AOPEP: variants seen among roughly 807,000 people sequenced by gnomAD.
AOPEP encodes aminopeptidase O (putative), also known as aminopeptidase O.
Under a neutral mutation model 98.1 loss-of-function variants are expected in AOPEP, and 77 were observed. The ratio of observed to expected loss-of-function variants is 0.78; its 90% CI spans 0.65 to 0.95. The LOEUF (loss-of-function observed/expected upper bound fraction) is 0.95. Among genes scored for constraint, AOPEP ranks in the 40% least tolerant of loss-of-function variants. The probability of loss-of-function intolerance (pLI) is 0.00; values close to 1 mark genes in which losing one functional copy is unlikely to be tolerated. For synonymous variants in AOPEP, 346 were observed against 365.3 expected (o/e 0.95, Z 0.60); for missense variants, 1,024 against 1,024.7 (o/e 1.00, Z 0.01).
chr9:94,922,235 G>A (rs1564384522), intron 5 of AOPEP, among the ~76,000 whole-genome samples: 2 of 152,308 alleles, frequency 1.3e-5, no homozygotes, highest in Non-Finnish European at 1.5e-5. Flanking sequence ...GCAGGTCCCC[G>A]GACAGTGGAG....
At position 95,071,516 on chromosome 9, in the gene AOPEP, A is replaced by G. The variant is rs371211131; in HGVS notation, c.2233-9178A>G. Among the ~76,000 whole-genome samples, 47 of 152,286 alleles carry G rather than the reference A, an allele frequency of 3.1e-4. No homozygotes were observed. In the South Asian group the frequency reaches 5.0e-3, roughly 16 times the overall value. On this transcript the variant is annotated intron_variant, in intron 14 of 16. Coordinates refer to ENST00000375315, the MANE Select transcript of AOPEP (RefSeq NM_001193329.3). ...AAATAAAGCAAGGAAAGCAGCTACC[A>G]AAAGGAGCCATACGTGCTTTTCTAA...
chr9:94,900,895 G>A (rs2050303682), intron 5 of AOPEP: 1 of 152,210 alleles, frequency 6.6e-6, no homozygotes. Flanking sequence ...TGACTCACAA[G>A]TAAGTTGAAT....
intron 1 of AOPEP, among the ~76,000 whole-genome samples, chr9:94,739,072 A>C (rs1173907045): frequency 1.3e-5 from 2 of 152,170 alleles, no homozygotes; most frequent in South Asian, 4.1e-4. Context: ...CTACGTCTCA[A>C]GTCCATGTCA....
At chr9:95,077,667 G>A (rs977233062) in intron 14 of AOPEP, among the ~76,000 whole-genome samples, 2 of 152,110 alleles carry the variant, frequency 1.3e-5, no homozygotes, top group Admixed American at 1.3e-4. Context: ...TCTCAGCTGC[G>A]GAGGAACTTG....
Position 94,813,423 on chromosome 9 carries a change from A to G in AOPEP, c.1364+12421A>G, listed in dbSNP as rs181107411. Among the ~76,000 whole-genome samples, 85 of 152,332 alleles carry G rather than the reference A, an allele frequency of 5.6e-4. 1 individual carries two copies. The East Asian group carries it at 0.014, about 24-fold the overall frequency. On this transcript the variant is annotated intron_variant, in intron 5 of 16. Transcript: ENST00000375315. ...ACTTTATAGCTTTCGGGGTGTCCTC[A>G]GATATGTCTCCTCTCACAAACAAGC...
At chr9:95,141,138 A>C in the AOPEP span, among the ~76,000 whole-genome samples, 1 of 151,674 alleles carries the variant, frequency 6.6e-6, no homozygotes, top group Non-Finnish European at 1.5e-5. Context: ...GGCAAAACCC[A>C]GTCTCTACCA....
At chr9:95,074,727 C>CT (rs1159550661) in intron 14 of AOPEP, among the ~76,000 whole-genome samples, 1 of 152,226 alleles carries the variant, frequency 6.6e-6, no homozygotes, top group East Asian at 1.9e-4. Context: ...CCAGATGCCA[C>CT]TTCTTCTTGC....
In AOPEP at chr9:94,759,875, A is replaced by G. The variant is rs758534673; in HGVS notation, c.92A>G (p.Asp31Gly). 3.7e-6 allele frequency: 6 copies of G among 1,614,114 alleles called. No individual in the cohort carries two copies. The highest frequency in any genetic ancestry group is 5.1e-6 in the Non-Finnish European group (6 of 1,180,026). The change falls in exon 2 of 17, where the codon GAT becomes GGT. Residue 31 changes from aspartate (D) to glycine (G), a missense_variant. Physicochemically the swap from Asp to Gly is moderately conservative, Grantham distance 94 (BLOSUM62 -1). This residue lies in a region of AOPEP where 440 missense variants were observed against 433.8 expected (regional missense o/e 1.01). Transcript: ENST00000375315. ...ILVKHYVLDL[D>G]VDFESQVIEG... ...GTGAAGCACTATGTACTGGATTTGG[A>G]TGTGGATTTTGAAAGTCAAGTCATT... is the stretch of plus-strand genomic sequence containing the variant.
At chr9:94,782,731 A>G (rs2133197132) in intron 3 of AOPEP, among the ~76,000 whole-genome samples, 1 of 152,390 alleles carries the variant, frequency 6.6e-6, no homozygotes, top group South Asian at 2.1e-4. Flanking sequence ...ATTCCACGCC[A>G]GTACACATAC....
At chr9:95,005,407 G>T in intron 12 of AOPEP, 135 bp from the exon 13 acceptor site, 1 of 956,254 alleles carries the variant, frequency 1.0e-6, no homozygotes, top group East Asian at 2.5e-5. Flanking sequence ...CGAGTTCCGC[G>T]GGCGGGCGCG....
At chr9:94,776,850 A>C (rs920182083) in intron 3 of AOPEP, among the ~76,000 whole-genome samples, 2 of 150,812 alleles carry the variant, frequency 1.3e-5, no homozygotes, top group Non-Finnish European at 2.9e-5. Flanking sequence ...GTTTCAAATG[A>C]TTTCATAATA....
chr9:95,049,854 C>A (rs2066186673), intron 13 of AOPEP, among the ~76,000 whole-genome samples: 1 of 152,184 alleles, frequency 6.6e-6, no homozygotes. Flanking sequence ...TTGTGAGTAT[C>A]CATTTTGCAT....
At chr9:94,916,705 AAAAAT>A (rs1369293893) in intron 5 of AOPEP, among the ~76,000 whole-genome samples, 4 of 147,916 alleles carry the variant, frequency 2.7e-5, no homozygotes, top group African/African-American at 1.0e-4. Flanking sequence ...AAAAAAAAAA[AAAAAT>A]TAAATAAATA....
At chr9:95,133,059 G>C in the AOPEP span, among the ~76,000 whole-genome samples, 1 of 152,240 alleles carries the variant, frequency 6.6e-6, no homozygotes, top group African/African-American at 2.4e-5. Flanking sequence ...GAGTCTTAGA[G>C]ATCTCTCTGA....
chr9:94,786,730 G>A (rs1844510753), intron 3 of AOPEP, among the ~76,000 whole-genome samples: 1 of 152,170 alleles, frequency 6.6e-6, no homozygotes, highest in African/African-American at 2.4e-5. Flanking sequence ...CACTAGCAGC[G>A]CTCCATGATC....
intron 5 of AOPEP, among the ~76,000 whole-genome samples, chr9:94,917,917 C>T (rs1282716715): frequency 6.6e-6 from 1 of 152,154 alleles, no homozygotes; most frequent in Non-Finnish European, 1.5e-5. Context: ...CTCATCTGCT[C>T]CCCCAGCTCC....
rs1355761473 is a variant in AOPEP at position 94,927,055 on chromosome 9, A to G, written c.1555-1370A>G. On this transcript the variant is annotated intron_variant, in intron 6 of 16. Coordinates refer to ENST00000375315, the MANE Select transcript of AOPEP (RefSeq NM_001193329.3). ...TCACAGTTCTGGAGGCTGGAAGTCC[A>G]AGACCAAGGTGCCAGCAGGGTTGGT... Among the ~76,000 whole-genome samples, 5 of 152,314 alleles carry G rather than the reference A, an allele frequency of 3.3e-5. No homozygotes were observed. The East Asian group carries it at 7.7e-4, about 24-fold the overall frequency.
At chr9:94,838,660 T>A (rs759011089) in intron 5 of AOPEP, among the ~76,000 whole-genome samples, 51 of 152,346 alleles carry the variant, frequency 3.3e-4, no homozygotes, top group South Asian at 1.2e-3. Context: ...TCATTAAATC[T>A]TGAGATAAAT....
chr9:95,057,632 G>A (rs551337975), intron 13 of AOPEP, among the ~76,000 whole-genome samples: 1 of 152,332 alleles, frequency 6.6e-6, no homozygotes, highest in East Asian at 1.9e-4. Flanking sequence ...CTTTAAAAAT[G>A]TTGTAATGTG....
Sources: allele counts gnomAD v4.1 joint callset (sites outside exome capture counted in the v4.1 genomes callset), GRCh38; gene constraint gnomAD v4.1.1; regional missense constraint gnomAD v4.1.1; transcripts MANE v1.5; gene names NCBI Gene and HGNC (gene_info 2026-07-23, HGNC 2026-07-21).